DSCAM: variants seen among roughly 807,000 people sequenced by gnomAD.
DSCAM encodes the protein cell adhesion molecule DSCAM.
Under a neutral mutation model 217.7 loss-of-function variants are expected in DSCAM, and 47 were observed. The observed-to-expected ratio is 0.22, with a 90% CI of 0.17 to 0.28. The LOEUF (loss-of-function observed/expected upper bound fraction) is 0.28, where lower values mean the gene tolerates loss of function less well. Among genes scored for constraint, DSCAM ranks in the 10% least tolerant of loss-of-function variants. The pLI is 1.00. For missense variants in DSCAM, 2,080 were observed against 2,618.3 expected (o/e 0.79, Z 4.49); for synonymous variants, 1,056 against 1,015.3 (o/e 1.04, Z -0.76).
At chr21:40,753,100 G>A (rs1171510937) in intron 1 of DSCAM, among the ~76,000 whole-genome samples, 1 of 152,174 alleles carries the variant, frequency 6.6e-6, no homozygotes, top group Non-Finnish European at 1.5e-5. Flanking sequence ...CTTGCTCCAT[G>A]TTGGACACCA....
intron 3 of DSCAM, among the ~76,000 whole-genome samples, chr21:40,485,386 G>A (rs1385349495): frequency 6.6e-6 from 1 of 151,880 alleles, no homozygotes; most frequent in East Asian, 1.9e-4. Context: ...GGGACTACAG[G>A]CGCCCGCCAC....
In DSCAM at chr21:40,109,565, T is replaced by C. The variant is rs2089867852; in HGVS notation, c.3696+14630A>G. Among the ~76,000 whole-genome samples, 3 of 152,184 alleles carry C rather than the reference T, an allele frequency of 2.0e-5. 1 individual carries two copies. The highest frequency in any genetic ancestry group is 4.1e-4 in the South Asian group (2 of 4,822). On this transcript the variant is annotated intron_variant, in intron 20 of 32. Coordinates refer to ENST00000400454, the MANE Select transcript of DSCAM (RefSeq NM_001389.5). ...CATCTCACTGGGGAGTGTCGGACAG[T>C]GGACGCAGGACAGCGGGTGCAGCGC...
chr21:40,388,927 T>G, intron 3 of DSCAM, among the ~76,000 whole-genome samples: 1 of 152,216 alleles, frequency 6.6e-6, no homozygotes, highest in East Asian at 1.9e-4. Context: ...TTGGCTTTTC[T>G]TAGCAATTCT....
intron 3 of DSCAM, among the ~76,000 whole-genome samples, chr21:40,374,889 A>C (rs1448225023): frequency 6.6e-6 from 1 of 152,122 alleles, no homozygotes; most frequent in East Asian, 1.9e-4. Context: ...GTGAGAGATA[A>C]ATTTTTGTGG....
chr21:40,165,258 A>C (rs1482471066), intron 16 of DSCAM, among the ~76,000 whole-genome samples: 1 of 152,238 alleles, frequency 6.6e-6, no homozygotes, highest in African/African-American at 2.4e-5. Flanking sequence ...ATTGTCCTTT[A>C]CATATACTTA....
intron 15 of DSCAM, among the ~76,000 whole-genome samples, chr21:40,172,414 T>C (rs999407222): frequency 2.0e-5 from 3 of 152,272 alleles, no homozygotes; most frequent in African/African-American, 7.2e-5. Context: ...TTCATTCTGT[T>C]TGGCTGAAAA....
rs139874269 is a variant in DSCAM, at chr21:40,607,467, G to A, written c.508+85343C>T. Among the ~76,000 whole-genome samples the A allele has an allele frequency of 7.3e-4, 107 of 146,358 alleles. 2 individuals are homozygous for A. In the East Asian group the frequency reaches 7.9e-3, roughly 11 times the overall value. On this transcript the variant is annotated intron_variant, in intron 3 of 32. Coordinates refer to ENST00000400454, the MANE Select transcript of DSCAM (RefSeq NM_001389.5). ...CAGGGATTTCATCTTTTTAGAAAGC[G>A]ATATTCTTTCTTTAGGGGAAAAATG...
At chr21:40,596,130 T>C (rs760591716) in intron 3 of DSCAM, among the ~76,000 whole-genome samples, 1 of 152,202 alleles carries the variant, frequency 6.6e-6, no homozygotes, top group Non-Finnish European at 1.5e-5. Flanking sequence ...CATGAGCTTG[T>C]AGCAAGAAGG....
chr21:40,556,131 A>G (rs2076669863), intron 3 of DSCAM, among the ~76,000 whole-genome samples: 1 of 152,226 alleles, frequency 6.6e-6, no homozygotes, highest in African/African-American at 2.4e-5. Flanking sequence ...ATATAGAATA[A>G]TCACCTTTGA....
At chr21:40,682,953 A>G (rs2090430882) in intron 3 of DSCAM, among the ~76,000 whole-genome samples, 1 of 39,546 alleles carries the variant, frequency 2.5e-5, no homozygotes, top group Non-Finnish European at 7.3e-5. Context: ...AAATCGGGTC[A>G]TAAGGGTGGC....
intron 11 of DSCAM, among the ~76,000 whole-genome samples, chr21:40,228,559 C>G (rs1391751845): frequency 6.6e-6 from 1 of 151,912 alleles, no homozygotes; most frequent in African/African-American, 2.4e-5. Flanking sequence ...ACTGGGAACT[C>G]CTTCAGGTGG....
chr21:40,053,500 C>T (rs756808367), intron 29 of DSCAM, among the ~76,000 whole-genome samples: 24 of 152,164 alleles, frequency 1.6e-4, no homozygotes, highest in African/African-American at 5.1e-4. Context: ...AGATGATCTG[C>T]GGGGCTAGGT....
At chr21:40,291,359 C>T (rs1045247845) in intron 10 of DSCAM, among the ~76,000 whole-genome samples, 6 of 152,206 alleles carry the variant, frequency 3.9e-5, no homozygotes, top group African/African-American at 1.4e-4. Flanking sequence ...CCCAGCTAGC[C>T]TCCTAGCTTC....
intron 3 of DSCAM, among the ~76,000 whole-genome samples, chr21:40,603,925 C>CTTTTTTTTTT (rs3070814): frequency 1.0e-5 from 1 of 97,322 alleles, no homozygotes; most frequent in Non-Finnish European, 2.0e-5. Context: ...TTTTGCATTT[C>CTTTTTTTTTT]TTTTTTTTTT....
intron 20 of DSCAM, among the ~76,000 whole-genome samples, chr21:40,100,667 A>T (rs2089738806): frequency 6.6e-6 from 1 of 151,622 alleles, no homozygotes; most frequent in Non-Finnish European, 1.5e-5. Flanking sequence ...GAAACAAAGC[A>T]AAGCTTCGCT....
chr21:40,476,737 G>A (rs1039712374), intron 3 of DSCAM, among the ~76,000 whole-genome samples: 2 of 152,082 alleles, frequency 1.3e-5, no homozygotes, highest in Admixed American at 1.3e-4. Flanking sequence ...GCTTTGATGG[G>A]AAGGGCTCAA....
chr21:40,616,743 C>T (rs1432033523), intron 3 of DSCAM, among the ~76,000 whole-genome samples: 5 of 152,240 alleles, frequency 3.3e-5, no homozygotes, highest in East Asian at 1.9e-4. Context: ...ATTGGCCGGG[C>T]GCGGTGGCTC....
chr21:40,762,241 A>T (rs1272791920), intron 1 of DSCAM, among the ~76,000 whole-genome samples: 1 of 152,188 alleles, frequency 6.6e-6, no homozygotes, highest in Non-Finnish European at 1.5e-5. Flanking sequence ...AAAAGAGAGG[A>T]GAATCAAATA....
intron 1 of DSCAM, among the ~76,000 whole-genome samples, chr21:40,769,234 T>C (rs539377799): frequency 6.6e-6 from 1 of 152,350 alleles, no homozygotes; most frequent in South Asian, 2.1e-4. Flanking sequence ...TGTTCTCTCA[T>C]ATTCTTGATA....
Sources: gnomAD v4.1 joint callset for allele counts (sites outside exome capture counted in the v4.1 genomes callset) on GRCh38, gnomAD v4.1.1 for gene constraint, MANE v1.5 for transcripts, NCBI Gene and HGNC (gene_info 2026-07-23, HGNC 2026-07-21) for gene names.